Variants in FOXP1 observed in about 807,000 individuals in gnomAD.
FOXP1 encodes the protein forkhead box protein P1.
A neutral mutation model predicts 98.2 loss-of-function variants in FOXP1; 15 were observed. That is an observed-to-expected ratio of 0.15 (90% CI 0.10 to 0.24). The LOEUF is 0.24. Among genes scored for constraint, FOXP1 ranks in the 10% least tolerant of loss-of-function variants. The pLI is 1.00. For missense variants in FOXP1, 633 were observed against 848.5 expected, an observed-to-expected ratio of 0.75 and a Z score of 3.15; for synonymous variants, 371 against 314.5, an observed-to-expected ratio of 1.18 and a Z score of -1.90.
chr3:70,967,700 G>GTT lies in FOXP1; in HGVS notation c.1723-1646_1723-1645dup, dbSNP rs1553657848. Among the ~76,000 whole-genome samples the GTT allele has an allele frequency of 1.7e-3, 109 of 63,612 alleles. 4 individuals are homozygous for GTT. Among genetic ancestry groups the GTT allele is most frequent in the Non-Finnish European group, 2.4e-3 (76 of 31,940 alleles). The allele number at this position is 63,612 out of a possible 152,430, so 41.7% of individuals were successfully genotyped here. ...CTACTATTATTTGTTTTTTTTTTTTGTTTTTTTTTGTTTTTTTTTTTTTTT... is the reference window on the plus strand; with the variant it reads ...CTACTATTATTTGTTTTTTTTTTTTGTTTTTTTTTTTGTTTTTTTTTTTTTTT... On this transcript the variant is annotated intron_variant, in intron 19 of 20. Transcript: ENST00000649528.
intron 3 of FOXP1, chr3:71,360,366 T>C (rs1375334422): frequency 6.6e-6 from 1 of 152,142 alleles, no homozygotes; most frequent in Non-Finnish European, 1.5e-5. Context: ...TTCAGTTGCA[T>C]TTCAAATGCA....
At chr3:71,013,537 A>G (rs915735742) in intron 12 of FOXP1, among the ~76,000 whole-genome samples, 1 of 152,190 alleles carries the variant, frequency 6.6e-6, no homozygotes, top group Non-Finnish European at 1.5e-5. Flanking sequence ...ATGCTCATGG[A>G]TAGGAAGAAT....
intron 13 of FOXP1, among the ~76,000 whole-genome samples, chr3:70,990,333 G>C (rs2040412699): frequency 6.6e-6 from 1 of 152,116 alleles, no homozygotes; most frequent in Non-Finnish European, 1.5e-5. Context: ...TAGGCAAAAA[G>C]GCTAAACATT....
intron 3 of FOXP1, among the ~76,000 whole-genome samples, chr3:71,405,969 A>G (rs1283872657): frequency 6.6e-6 from 1 of 151,988 alleles, no homozygotes; most frequent in African/African-American, 2.4e-5. Flanking sequence ...ACCTCAGGTA[A>G]TCCACCTGCC....
At position 71,198,207 on chromosome 3, in the gene FOXP1, G is replaced by C. The variant is rs1007162083; in HGVS notation, c.175C>G (p.Gln59Glu). ...ADLAHAQQQQ[Q>E]QALQVARQLL... ...AAGACTCCAAAGCCCAGTACCTGTT[G>C]CTGCTGCTGCTGGGCGTGGGCGAGG... The change falls in exon 6 of 21, where the codon CAA becomes GAA. Residue 59 changes from glutamine to glutamate, a missense_variant. Physicochemically the swap from Gln to Glu is conservative, Grantham distance 29 (BLOSUM62 2). Transcript: ENST00000649528. 2.5e-6 allele frequency: 4 copies of C among 1,612,030 alleles called. No homozygotes were observed. The African/African-American group carries it at 5.3e-5, about 22-fold the overall frequency.
At chr3:71,375,850 C>T (rs2079674277) in intron 3 of FOXP1, among the ~76,000 whole-genome samples, 1 of 152,130 alleles carries the variant, frequency 6.6e-6, no homozygotes, top group South Asian at 2.1e-4. Flanking sequence ...TTACAGCTTT[C>T]ATTATATGGT....
intron 3 of FOXP1, among the ~76,000 whole-genome samples, chr3:71,393,007 AT>A (rs1257319328): frequency 4.6e-5 from 7 of 152,192 alleles, no homozygotes; most frequent in African/African-American, 1.7e-4. Flanking sequence ...TAGCCTGATA[AT>A]TTACTAATGA....
intron 9 of FOXP1, among the ~76,000 whole-genome samples, chr3:71,048,232 A>G (rs1407109171): frequency 1.3e-5 from 2 of 152,172 alleles, no homozygotes; most frequent in Non-Finnish European, 2.9e-5. Context: ...TTTACAACTA[A>G]AAGGACTATC....
At chr3:71,064,019 G>A (rs764924210) in intron 7 of FOXP1, among the ~76,000 whole-genome samples, 2 of 152,122 alleles carry the variant, frequency 1.3e-5, no homozygotes, top group African/African-American at 2.4e-5. Context: ...ATTCAGAGCC[G>A]GTTCAGCTGG....
intron 11 of FOXP1, among the ~76,000 whole-genome samples, chr3:71,022,632 A>T (rs972035081): frequency 5.9e-5 from 9 of 152,286 alleles, no homozygotes; most frequent in East Asian, 5.8e-4. Context: ...CTATTTCCCT[A>T]TAGGAATGGT....
At chr3:71,182,554 T>C (rs2062390554) in intron 6 of FOXP1, among the ~76,000 whole-genome samples, 2 of 147,938 alleles carry the variant, frequency 1.4e-5, no homozygotes, top group African/African-American at 5.1e-5. Flanking sequence ...ATATTCTTTT[T>C]TTTTTTTTTT....
intron 3 of FOXP1, among the ~76,000 whole-genome samples, chr3:71,472,900 A>T (rs186540356): frequency 6.6e-6 from 1 of 152,306 alleles, no homozygotes; most frequent in East Asian, 1.9e-4. Context: ...GGGCACCTTC[A>T]ATTAGTTAGT....
chr3:71,156,001 G>A (rs529528713), intron 6 of FOXP1, among the ~76,000 whole-genome samples: 1 of 152,332 alleles, frequency 6.6e-6, no homozygotes, highest in East Asian at 1.9e-4. Context: ...AACTTCTTTG[G>A]TAAGGGAGGT....
At chr3:71,435,166 G>C (rs1425518330) in intron 3 of FOXP1, among the ~76,000 whole-genome samples, 2 of 141,042 alleles carry the variant, frequency 1.4e-5, no homozygotes, top group Non-Finnish European at 3.0e-5. Context: ...AGGAGAAGGA[G>C]GGAAAGGGGA....
Position 71,282,923 on chromosome 3 carries a change from C to T in FOXP1, c.-12+16897G>A, listed in dbSNP as rs746578428. Among the ~76,000 whole-genome samples, 18 of 152,166 alleles carry T rather than the reference C, an allele frequency of 1.2e-4. 1 individual carries two copies. Among genetic ancestry groups the T allele is most frequent in the African/African-American group, 2.7e-4 (11 of 41,418 alleles). ...ACAACAAGCTATACCTTCATCATGT[C>T]GGCACCTGAGATAGTCAATTTCCCA... On this transcript the variant is annotated intron_variant, in intron 5 of 20. Transcript: ENST00000649528.
At chr3:71,504,883 C>A (rs1160958206) in intron 2 of FOXP1, among the ~76,000 whole-genome samples, 3 of 152,228 alleles carry the variant, frequency 2.0e-5, no homozygotes, top group South Asian at 2.1e-4. Flanking sequence ...TGTGCAAAGC[C>A]TGTGCTGCAC....
At chr3:71,429,172 C>A (rs1311978193) in intron 3 of FOXP1, among the ~76,000 whole-genome samples, 1 of 152,094 alleles carries the variant, frequency 6.6e-6, no homozygotes, top group Non-Finnish European at 1.5e-5. Flanking sequence ...GGAGTTATCA[C>A]CCACAACCTC....
intron 3 of FOXP1, among the ~76,000 whole-genome samples, chr3:71,366,128 G>A (rs1006910757): frequency 5.3e-5 from 8 of 152,088 alleles, no homozygotes; most frequent in African/African-American, 9.7e-5. Context: ...TTGTAATGAC[G>A]ACTTGGTCCA....
chr3:71,076,454 G>A (rs902041459), intron 7 of FOXP1, among the ~76,000 whole-genome samples: 5 of 152,200 alleles, frequency 3.3e-5, no homozygotes, highest in Admixed American at 2.0e-4. Flanking sequence ...CAAGAGTTAT[G>A]CTGAAGATGA....
Sources: allele counts gnomAD v4.1 joint callset (sites outside exome capture counted in the v4.1 genomes callset), GRCh38; gene constraint gnomAD v4.1.1; transcripts MANE v1.5; gene names NCBI Gene and HGNC (gene_info 2026-07-23, HGNC 2026-07-21).